Variants in GRIK3 observed in about 807,000 individuals in gnomAD.
The protein encoded by GRIK3 is glutamate ionotropic receptor kainate type subunit 3.
Under a neutral mutation model 102.5 loss-of-function variants are expected in GRIK3, and 29 were observed. That is an observed-to-expected ratio of 0.28 (90% CI 0.21 to 0.39). GRIK3 has a LOEUF of 0.39. Ranked by LOEUF, GRIK3 falls within the 10% of genes least tolerant of loss-of-function variation. The pLI is 1.00. For missense variants in GRIK3, 908 were observed against 1,252.4 expected (o/e 0.73, Z 4.15); for synonymous variants, 511 against 504.9 (o/e 1.01, Z -0.16).
rs1322015601 is a variant in GRIK3, at chr1:36,797,218, C to T, written c.*4633G>A. The T allele has an allele frequency of 6.6e-6, 1 of 152,112 alleles. No homozygotes were observed. The highest frequency in any genetic ancestry group is 1.5e-5 in the Non-Finnish European group (1 of 68,060). The allele number at this position is 152,112 out of a possible 1,614,324, so 9.4% of individuals were successfully genotyped here. Reference sequence around the variant, plus strand: ...ACCCGTGCTGGCTGGGTTCTGTACACTCCGTGTGCAGACGTGCAGGAAAGG... The same window carrying T: ...ACCCGTGCTGGCTGGGTTCTGTACATTCCGTGTGCAGACGTGCAGGAAAGG... On this transcript the variant is annotated 3_prime_UTR_variant, in exon 16 of 16. Transcript: ENST00000373091.
chr1:37,006,625 C>G (rs1642535151), intron 1 of GRIK3, among the ~76,000 whole-genome samples: 1 of 152,214 alleles, frequency 6.6e-6, no homozygotes, highest in African/African-American at 2.4e-5. Context: ...AATGTAAATC[C>G]CTCTGGACAA....
intron 1 of GRIK3, among the ~76,000 whole-genome samples, chr1:36,936,958 G>T (rs940894828): frequency 5.3e-5 from 8 of 152,266 alleles, no homozygotes; most frequent in Admixed American, 1.3e-4. Context: ...AGGTGCGGGG[G>T]GTAGGATCCC....
intron 1 of GRIK3, among the ~76,000 whole-genome samples, chr1:36,893,287 G>T (rs1641136741): frequency 6.6e-6 from 1 of 152,112 alleles, no homozygotes; most frequent in South Asian, 2.1e-4. Context: ...ATATGTGGGA[G>T]CATAAAGATG....
At chr1:36,965,253 C>T (rs1642067048) in intron 1 of GRIK3, among the ~76,000 whole-genome samples, 1 of 152,156 alleles carries the variant, frequency 6.6e-6, no homozygotes, top group African/African-American at 2.4e-5. Flanking sequence ...ATTCGTGATT[C>T]AATTAAAGTT....
intron 9 of GRIK3, among the ~76,000 whole-genome samples, chr1:36,848,138 C>A (rs1557701417): frequency 6.6e-6 from 1 of 152,184 alleles, no homozygotes; most frequent in Non-Finnish European, 1.5e-5. Context: ...TAGCAAAAAT[C>A]CCCTGTGCCC....
rs1642437479 is a variant in GRIK3, at chr1:36,801,308, GAC to G, written c.*541_*542del. The G allele has an allele frequency of 6.6e-6, 1 of 152,486 alleles. No homozygotes were observed. The highest frequency in any genetic ancestry group is 2.1e-4 in the South Asian group (1 of 4,842). The allele number at this position is 152,486 out of a possible 1,614,324, so 9.4% of individuals were successfully genotyped here. ...GGCAGCGCCAAGTTCAGAAGATTAGGACCACGTGAACAGCCCCAGAGGGATGA... is the reference window on the plus strand; with the variant it reads ...GGCAGCGCCAAGTTCAGAAGATTAGGCACGTGAACAGCCCCAGAGGGATGA... On this transcript the variant is annotated 3_prime_UTR_variant, in exon 16 of 16. Coordinates refer to ENST00000373091, the MANE Select transcript of GRIK3 (RefSeq NM_000831.4).
intron 10 of GRIK3, among the ~76,000 whole-genome samples, chr1:36,830,778 T>A (rs1640268028): frequency 8.2e-6 from 1 of 122,386 alleles, no homozygotes; most frequent in South Asian, 2.7e-4. Flanking sequence ...ATCACTGCAC[T>A]CCAGCCTGGG....
chr1:36,891,114 A>T lies in GRIK3; in HGVS notation c.116-18T>A. The T allele has an allele frequency of 6.3e-7, 1 of 1,599,522 alleles. No homozygotes were observed. The highest frequency in any genetic ancestry group is 8.5e-7 in the Non-Finnish European group (1 of 1,170,506). ...GATTCCTCCTGTGAAAGATGAGTAAAATTGTGTGTGGTTGGGAGGAGGGAT... is the reference window on the plus strand; with the variant it reads ...GATTCCTCCTGTGAAAGATGAGTAATATTGTGTGTGGTTGGGAGGAGGGAT... On this transcript the variant is annotated intron_variant, in intron 1 of 15. Coordinates refer to ENST00000373091, the MANE Select transcript of GRIK3 (RefSeq NM_000831.4).
At chr1:37,032,385 C>G (rs1030508204) in intron 1 of GRIK3, among the ~76,000 whole-genome samples, 2 of 152,108 alleles carry the variant, frequency 1.3e-5, no homozygotes, top group Non-Finnish European at 2.9e-5. Context: ...ATAGCACCCT[C>G]TCAGTCCCCC....
chr1:36,859,846 T>G lies in GRIK3; in HGVS notation c.958A>C (p.Met320Leu). 6.2e-7 allele frequency: 1 copy of G among 1,612,976 alleles called. No homozygotes were observed. The highest frequency in any genetic ancestry group is 1.1e-5 in the South Asian group (1 of 91,060). ...TTCACCTCACCCAGCCGCCTTACCATCATCACTCCATCCAGCAGGCCAGAC... is the reference window on the plus strand; with the variant it reads ...TTCACCTCACCCAGCCGCCTTACCAGCATCACTCCATCCAGCAGGCCAGAC... ...SESGLLDGVM[M>L]TDAALLYDAV... The change falls in exon 6 of 16, where the codon ATG (methionine) becomes CTG (leucine). Residue 320 changes from methionine (M) to leucine (L), a missense_variant and splice_region_variant. Coordinates refer to ENST00000373091, the MANE Select transcript of GRIK3 (RefSeq NM_000831.4).
rs151180114 is a variant in GRIK3 at position 36,822,590 on chromosome 1, G to C, written c.1755-2736C>G. Among the ~76,000 whole-genome samples, 224 of 152,294 alleles carry C rather than the reference G, an allele frequency of 1.5e-3. 4 individuals are homozygous for C. Among genetic ancestry groups the C allele is most frequent in the East Asian group, 0.014 (72 of 5,168 alleles). ...GCTTCTCCAGTCTTGAGAGTAAATAGGAGTTAGAAGTTGACCTGGAGACAC... is the reference window on the plus strand; with the variant it reads ...GCTTCTCCAGTCTTGAGAGTAAATACGAGTTAGAAGTTGACCTGGAGACAC... On this transcript the variant is annotated intron_variant, in intron 11 of 15. Coordinates refer to ENST00000373091, the MANE Select transcript of GRIK3 (RefSeq NM_000831.4).
intron 3 of GRIK3, among the ~76,000 whole-genome samples, chr1:36,878,833 T>A (rs1640936092): frequency 6.6e-6 from 1 of 152,178 alleles, no homozygotes; most frequent in South Asian, 2.1e-4. Context: ...GGAGTTACTA[T>A]GAGATTTACA....
At chr1:36,860,865 C>T (rs961298769) in intron 5 of GRIK3, among the ~76,000 whole-genome samples, 3 of 152,280 alleles carry the variant, frequency 2.0e-5, no homozygotes, top group African/African-American at 4.8e-5. Context: ...GGTAGCGGTG[C>T]GTTTTTCCAA....
chr1:36,805,356 G>A, intron 14 of GRIK3, 119 bp from the exon 15 acceptor site: 1 of 1,018,286 alleles, frequency 9.8e-7, no homozygotes, highest in South Asian at 1.6e-5. Flanking sequence ...CATGAAAGGG[G>A]GTCCCTATCC....
intron 1 of GRIK3, among the ~76,000 whole-genome samples, chr1:37,024,969 T>C (rs1196525518): frequency 6.6e-6 from 1 of 151,990 alleles, no homozygotes; most frequent in Admixed American, 6.6e-5. Flanking sequence ...GGTAAGGAAA[T>C]CTAGACTTAG....
chr1:36,878,128 A>G (rs1035053731), intron 3 of GRIK3, among the ~76,000 whole-genome samples: 1 of 152,250 alleles, frequency 6.6e-6, no homozygotes, highest in Non-Finnish European at 1.5e-5. Flanking sequence ...TCTACACTGT[A>G]CCAGACCCTG....
Position 36,955,038 on chromosome 1 carries a change from G to A in GRIK3, c.116-63942C>T, listed in dbSNP as rs556437563. ...TCTACATTGGATGGTGGTGCTATAA[G>A]TGGTGTCAGGGTGGTAGACAGAGGC... is the stretch of plus-strand genomic sequence containing the variant. On this transcript the variant is annotated intron_variant, in intron 1 of 15. Coordinates refer to ENST00000373091, the MANE Select transcript of GRIK3 (RefSeq NM_000831.4). 4.6e-5 allele frequency among the ~76,000 whole-genome samples: 7 copies of A among 152,344 alleles called. No homozygotes were observed. The East Asian group carries it at 7.7e-4, about 17-fold the overall frequency.
At chr1:36,952,821 G>A (rs960053483) in intron 1 of GRIK3, among the ~76,000 whole-genome samples, 1 of 152,200 alleles carries the variant, frequency 6.6e-6, no homozygotes, top group Non-Finnish European at 1.5e-5. Context: ...ATTTATACAT[G>A]GTGTTCAGGG....
At chr1:36,840,240 G>A (rs955578456) in intron 10 of GRIK3, among the ~76,000 whole-genome samples, 20 of 151,934 alleles carry the variant, frequency 1.3e-4, no homozygotes, top group Non-Finnish European at 2.8e-4. Context: ...AATCTAAGGG[G>A]TCCAGTATGG....
Sources: allele counts gnomAD v4.1 joint callset (sites outside exome capture counted in the v4.1 genomes callset), GRCh38; gene constraint gnomAD v4.1.1; transcripts MANE v1.5; gene names NCBI Gene and HGNC (gene_info 2026-07-23, HGNC 2026-07-21).